The following DENND3 variants were observed in gnomAD, a reference collection of about 807,000 sequenced individuals.
DENND3 encodes the protein DENN domain containing 3.
A neutral mutation model predicts 135.1 loss-of-function variants in DENND3; 88 were observed. The ratio of observed to expected loss-of-function variants is 0.65; its 90% CI spans 0.55 to 0.78. DENND3 has a LOEUF of 0.78. DENND3 is among the 30% of genes least tolerant of loss of function. DENND3 has a pLI of 0.00. For missense variants in DENND3, 1,392 were observed against 1,688.4 expected, an observed-to-expected ratio of 0.82 and a Z score of 3.08; for synonymous variants, 693 against 712.3, an observed-to-expected ratio of 0.97 and a Z score of 0.43.
In DENND3 at chr8:141,149,814, A is replaced by G. The variant is rs1818572495; in HGVS notation, c.736-1020A>G. On this transcript the variant is annotated intron_variant, in intron 5 of 22. Coordinates refer to ENST00000519811, the MANE Select transcript of DENND3 (RefSeq NM_001352890.3). ...CATTATAACAAAACGATGTTATTCA[A>G]GGACCTGCGTCTTGTTAGGAAGCAA... 4.6e-5 allele frequency among the ~76,000 whole-genome samples: 7 copies of G among 152,382 alleles called. No homozygotes were observed. The South Asian group carries it at 1.4e-3, about 32-fold the overall frequency.
intron 13 of DENND3, among the ~76,000 whole-genome samples, chr8:141,170,291 C>T (rs538719501): frequency 2.1e-4 from 32 of 152,258 alleles, no homozygotes; most frequent in African/African-American, 7.7e-4. Flanking sequence ...GTGAAACAAG[C>T]GCTGCGGAAT....
At position 141,180,600 on chromosome 8, in the gene DENND3, C is replaced by G. The variant is rs1045898806; in HGVS notation, c.2837-147C>G. 2.2e-5 allele frequency: 16 copies of G among 719,566 alleles called. No homozygotes were observed. The South Asian group carries it at 3.0e-4, about 13-fold the overall frequency. The allele number at this position is 719,566 out of a possible 1,614,324, so 44.6% of individuals were successfully genotyped here. On this transcript the variant is annotated intron_variant, in intron 16 of 22. Coordinates refer to ENST00000519811, the MANE Select transcript of DENND3 (RefSeq NM_001352890.3). ...GGGTGCATGGCTTTCTTTCAGTGCC[C>G]CGGGTCCAAGAGACCTTCGTCTTCA...
chr8:141,128,931 T>A lies in DENND3; in HGVS notation c.102+122T>A. On this transcript the variant is annotated intron_variant, in intron 1 of 22. Transcript: ENST00000519811. This position sits in a 1 kb window ranked among gnomAD's most constrained non-coding sequence, Gnocchi z 4.5. ...GGACTTTCCGAGGGCTGAGTCCCGG[T>A]CCCCCGGCGGTGACCCCGCGCGCCT... 1 of 727,962 alleles carries A rather than the reference T, an allele frequency of 1.4e-6. No homozygotes were observed. The highest frequency in any genetic ancestry group is 4.4e-5 in the Admixed American group (1 of 22,928). 45.1% of individuals were successfully genotyped at this position (727,962 alleles called of 1,614,324 possible).
Position 141,160,629 on chromosome 8 carries a change from C to A in DENND3, c.1197-3C>A, listed in dbSNP as rs1456031748. On this transcript the variant is annotated splice_region_variant and splice_polypyrimidine_tract_variant and intron_variant, in intron 8 of 22. Transcript: ENST00000519811. ...GAGCTAGCTTCGGTCTGCCTCCTTC[C>A]AGGGTGCAGAGCCTCCAGCTCCACC... 6.3e-7 allele frequency: 1 copy of A among 1,592,610 alleles called. No homozygotes were observed.
chr8:141,178,116 C>T lies in DENND3; in HGVS notation c.2756C>T (p.Ala919Val), dbSNP rs1350254803. The T allele has an allele frequency of 8.1e-6, 13 of 1,612,426 alleles. No individual in the cohort carries two copies. Among genetic ancestry groups the T allele is most frequent in the Non-Finnish European group, 1.1e-5 (13 of 1,178,588 alleles). ...CTGACCAACGTCTTGCTGATGGACG[C>T]CGTCGTGGGCACACTGCAGTCACCA... ...QALTNVLLMD[A>V]VVGTLQSPGA... Residue 919 changes from alanine (A) to valine (V), a missense_variant, in exon 16 of 23, where the codon GCC (alanine) becomes GTC (valine). By Grantham distance (64) the Ala-to-Val change is moderately conservative. Coordinates refer to ENST00000519811, the MANE Select transcript of DENND3 (RefSeq NM_001352890.3).
In DENND3 at chr8:141,130,756, G is replaced by A. The variant is rs1426787148; in HGVS notation, c.102+1947G>A. Among the ~76,000 whole-genome samples, 2 of 150,296 alleles carry A rather than the reference G, an allele frequency of 1.3e-5. No homozygotes were observed. Among genetic ancestry groups the A allele is most frequent in the Admixed American group, 6.6e-5 (1 of 15,042 alleles). ...GGATGGAGTGCCATGGTGCAATCTC[G>A]GCTCACTGCAATCTCCGCCTCCTGA... On this transcript the variant is annotated intron_variant, in intron 1 of 22. Transcript: ENST00000519811. This position sits in a 1 kb window ranked among gnomAD's most constrained non-coding sequence, Gnocchi z 4.2.
intron 13 of DENND3, chr8:141,173,478 G>T (rs1164667933): frequency 6.6e-6 from 1 of 152,230 alleles, no homozygotes; most frequent in African/African-American, 2.4e-5. Flanking sequence ...TGACTCGGAA[G>T]TGAGATGTAA....
chr8:141,162,270 T>C (rs984230570), intron 9 of DENND3, among the ~76,000 whole-genome samples: 1 of 152,208 alleles, frequency 6.6e-6, no homozygotes, highest in African/African-American at 2.4e-5. Flanking sequence ...AGATGAAATA[T>C]CTTATGAACA....
intron 18 of DENND3, 195 bp from the exon 19 acceptor site, chr8:141,188,791 G>A (rs943854984): frequency 1.8e-5 from 11 of 618,312 alleles, no homozygotes; most frequent in African/African-American, 7.5e-5. Flanking sequence ...AACAGAGCAC[G>A]CGGAGAACAA....
rs749490478 is a variant in DENND3, at chr8:141,150,929, C to CT, written c.833dup (p.Arg279GlnfsTer3). The CT allele has an allele frequency of 1.9e-6, 3 of 1,604,696 alleles. No homozygotes were observed. The Admixed American group carries it at 5.3e-5, about 28-fold the overall frequency. On this transcript the variant is annotated frameshift_variant, in exon 6 of 23. Coordinates refer to ENST00000519811, the MANE Select transcript of DENND3 (RefSeq NM_001352890.3). LOFTEE classifies it high-confidence loss of function. The stretch of plus-strand genomic sequence containing the variant: ...TGGACCTTCACCTGCCCTTGCTGTG[C>CT]TTCAGGCCTGAGAAGGTGCTACAGG...
At position 141,194,366 on chromosome 8, in the gene DENND3, CGTGTGG is replaced by C. The variant is rs111317933; in HGVS notation, c.*134_*139del. 3.5e-4 allele frequency: 394 copies of C among 1,123,320 alleles called. No homozygotes were observed. The African/African-American group carries it at 5.3e-3, about 15-fold the overall frequency. The allele number at this position is 1,123,320 out of a possible 1,614,324, so 69.6% of individuals were successfully genotyped here. On this transcript the variant is annotated 3_prime_UTR_variant, in exon 23 of 23. Coordinates refer to ENST00000519811, the MANE Select transcript of DENND3 (RefSeq NM_001352890.3). ...CAGGCTCAGCATGGAGCCCACTTAC[CGTGTGG>C]CCAGCCGCGAGACCCATGGCCACGC...
chr8:141,143,505 A>G (rs904428047), intron 4 of DENND3, among the ~76,000 whole-genome samples: 2 of 152,158 alleles, frequency 1.3e-5, no homozygotes, highest in African/African-American at 4.8e-5. Context: ...CCCGGGCTCA[A>G]GTGATCCTCC....
chr8:141,149,663 A>T (rs948667453), intron 5 of DENND3, among the ~76,000 whole-genome samples: 7 of 152,246 alleles, frequency 4.6e-5, no homozygotes, highest in Admixed American at 6.5e-5. Context: ...ACACTTGCTC[A>T]CACGGGGACC....
intron 18 of DENND3, among the ~76,000 whole-genome samples, chr8:141,186,558 T>G (rs889374152): frequency 2.0e-5 from 3 of 152,334 alleles, no homozygotes; most frequent in African/African-American, 7.2e-5. Flanking sequence ...CAGCGATCGT[T>G]AATGTTAGTG....
rs1359836555 is a variant in DENND3, at chr8:141,168,350, C to T, written c.2100C>T (p.Leu700=). 6.2e-7 allele frequency: 1 copy of T among 1,613,888 alleles called. No individual in the cohort carries two copies. The highest frequency in any genetic ancestry group is 1.1e-5 in the South Asian group (1 of 91,076). The change falls in exon 13 of 23, where the codon CTC becomes CTT. Residue 700 remains leucine (L), a synonymous_variant. Coordinates refer to ENST00000519811, the MANE Select transcript of DENND3 (RefSeq NM_001352890.3). This position sits in a 1 kb window ranked among gnomAD's most constrained non-coding sequence, Gnocchi z 6.2. ...GAEQAPELMR[L]ISEILDKPHE... ...AGCAGGCGCCGGAGCTGATGAGGCT[C>T]ATCAGCGAGATCCTGGACAAGCCGC...
intron 20 of DENND3, chr8:141,191,268 T>C (rs1456254646): frequency 1.3e-5 from 2 of 152,266 alleles, no homozygotes; most frequent in Non-Finnish European, 2.9e-5. Context: ...TTTCTACAAA[T>C]GGACTCTACA....
At chr8:141,134,061 G>T (rs1816477614) in intron 1 of DENND3, among the ~76,000 whole-genome samples, 1 of 152,078 alleles carries the variant, frequency 6.6e-6, no homozygotes, top group Non-Finnish European at 1.5e-5. Flanking sequence ...CAGACCAAGG[G>T]AAACCAGAAG....
At chr8:141,149,996 G>A (rs566447590) in intron 5 of DENND3, among the ~76,000 whole-genome samples, 5 of 152,182 alleles carry the variant, frequency 3.3e-5, no homozygotes, top group African/African-American at 4.8e-5. Context: ...TCCCTGCTTC[G>A]CTTGATTTCT....
chr8:141,183,582 CTT>C (rs373496192), intron 17 of DENND3, among the ~76,000 whole-genome samples: 2 of 151,288 alleles, frequency 1.3e-5, no homozygotes, highest in Admixed American at 1.3e-4. Context: ...AAAGAAGACA[CTT>C]TTTTTTTCCT....
Sources: gnomAD v4.1 joint callset for allele counts (sites outside exome capture counted in the v4.1 genomes callset) on GRCh38, gnomAD v4.1.1 for gene constraint, Gnocchi (gnomAD v3.1) non-coding constraint, MANE v1.5 for transcripts, NCBI Gene and HGNC (gene_info 2026-07-23, HGNC 2026-07-21) for gene names.